The following ASH1L variants were observed in gnomAD, a reference collection of about 807,000 sequenced individuals.
The protein encoded by ASH1L is ASH1 like histone lysine methyltransferase, also known as histone-lysine N-methyltransferase ASH1L.
ASH1L carries 23 observed loss-of-function variants against 269.0 expected under a neutral mutation model. That is an observed-to-expected ratio of 0.09 (90% confidence interval 0.06 to 0.12). ASH1L has a LOEUF of 0.12. ASH1L is among the 10% of genes least tolerant of loss of function. The pLI is 1.00. For synonymous variants in ASH1L, 1,187 were observed against 1,253.5 expected, an observed-to-expected ratio of 0.95 and a Z score of 1.12; for missense variants, 2,912 against 3,567.8, an observed-to-expected ratio of 0.82 and a Z score of 4.68.
At chr1:155,528,121 T>C (rs1036791416) in intron 1 of ASH1L, among the ~76,000 whole-genome samples, 2 of 152,218 alleles carry the variant, frequency 1.3e-5, no homozygotes, top group African/African-American at 4.8e-5. Flanking sequence ...AAATGCTTAC[T>C]TGACATACTG....
intron 2 of ASH1L, among the ~76,000 whole-genome samples, chr1:155,484,268 C>G (rs1238576328): frequency 6.6e-6 from 1 of 152,020 alleles, no homozygotes; most frequent in Non-Finnish European, 1.5e-5. Flanking sequence ...GTGGGCAGAT[C>G]GCCTGAGGTC....
intron 12 of ASH1L, among the ~76,000 whole-genome samples, chr1:155,369,430 G>A (rs1358642862): frequency 6.6e-6 from 1 of 150,716 alleles, no homozygotes; most frequent in African/African-American, 2.4e-5. Context: ...CTGGGCAACA[G>A]AGCGAGACTC....
chr1:155,381,370 T>C lies in ASH1L; in HGVS notation c.6104-1254A>G, dbSNP rs1161492299. Among the ~76,000 whole-genome samples, 4 of 149,506 alleles carry C rather than the reference T, an allele frequency of 2.7e-5. No individual in the cohort carries two copies. In the South Asian group the frequency reaches 6.3e-4, roughly 23 times the overall value. The stretch of plus-strand genomic sequence containing the variant: ...GCATTAGAGACAAGGCTGGCCAACA[T>C]AGTGAAACCCTGTATTAAAAATACA... On this transcript the variant is annotated intron_variant, in intron 7 of 27. Transcript: ENST00000392403.
In ASH1L at chr1:155,482,433, T is replaced by C. The variant is rs546762132; in HGVS notation, c.437A>G (p.Tyr146Cys). Residue 146 changes from tyrosine (Y) to cysteine (C), a missense_variant, in exon 3 of 28, where the codon TAC (tyrosine) becomes TGC (cysteine). Tyr to Cys is a radical substitution (Grantham distance 194). Coordinates refer to ENST00000392403, the MANE Select transcript of ASH1L (RefSeq NM_018489.3). ...GGCTGCAACATCATCTGCTTTCTTG[T>C]ACAACTTTGAAGGGTCCTAAAATTT... ...CPSKRDPSKL[Y>C]KKADDVAAIE... 3 of 1,612,096 alleles carry C rather than the reference T, an allele frequency of 1.9e-6. No individual in the cohort carries two copies. Among genetic ancestry groups the C allele is most frequent in the African/African-American group, 1.3e-5 (1 of 74,930 alleles).
rs1003624545 is a variant in ASH1L at position 155,464,534 on chromosome 1, T to G, written c.4985-4636A>C. ...GCAAGCTGCAAAAAAAAAAAGTACC[T>G]AAATAAAATTGGATTTCAGAATAAA... On this transcript the variant is annotated intron_variant, in intron 3 of 27. Coordinates refer to ENST00000392403, the MANE Select transcript of ASH1L (RefSeq NM_018489.3). Among the ~76,000 whole-genome samples the G allele has an allele frequency of 2.0e-5, 3 of 151,748 alleles. No individual in the cohort carries two copies. In the South Asian group the frequency reaches 6.2e-4, roughly 32 times the overall value.
intron 1 of ASH1L, among the ~76,000 whole-genome samples, chr1:155,548,323 A>G (rs1670968706): frequency 6.6e-6 from 1 of 152,130 alleles, no homozygotes; most frequent in South Asian, 2.1e-4. Flanking sequence ...GGAGTTCAAT[A>G]CCAGCCTGAC....
At chr1:155,357,532 C>T (rs1654527022) in intron 14 of ASH1L, 53 bp downstream of exon 14, 2 of 1,609,294 alleles carry the variant, frequency 1.2e-6, no homozygotes, top group Non-Finnish European at 1.7e-6. Flanking sequence ...CAGCAATTGC[C>T]TCAAAGCATC....
At position 155,479,307 on chromosome 1, in the gene ASH1L, A is replaced by G; in HGVS notation, c.3563T>C (p.Ile1188Thr). 6.2e-7 allele frequency: 1 copy of G among 1,614,016 alleles called. No homozygotes were observed. Residue 1188 changes from isoleucine (I) to threonine (T), a missense_variant, in exon 3 of 28, where the codon ATC becomes ACC. This residue lies in a region of ASH1L where 157 missense variants were observed against 154.6 expected (regional missense o/e 1.02). Transcript: ENST00000392403. ...GGTCTCATCACTATGAGACTCACTG[A>G]TTGGGGAAGGAGTAGCTTCTTTTAG... ...TSLKEATPSP[I>T]SESHSDETIP...
rs1660769388 is a variant in ASH1L, at chr1:155,422,396, G to A, written c.5829-6473C>T. On this transcript the variant is annotated intron_variant, in intron 5 of 27. Transcript: ENST00000392403. The stretch of plus-strand genomic sequence containing the variant: ...TGATCTCGCCTCACTGCAACCTCCG[G>A]GCCACCAGGGTCTGCTAATTTTTGT... 4.7e-5 allele frequency among the ~76,000 whole-genome samples: 7 copies of A among 149,684 alleles called. No homozygotes were observed. The South Asian group carries it at 1.5e-3, about 32-fold the overall frequency.
chr1:155,418,412 G>C (rs1660388109), intron 5 of ASH1L, among the ~76,000 whole-genome samples: 1 of 152,072 alleles, frequency 6.6e-6, no homozygotes, highest in Non-Finnish European at 1.5e-5. Context: ...CTGGAGATCA[G>C]TGAACTTGAA....
rs536340438 is a variant in ASH1L at position 155,381,458 on chromosome 1, G to A, written c.6104-1342C>T. On this transcript the variant is annotated intron_variant, in intron 7 of 27. Coordinates refer to ENST00000392403, the MANE Select transcript of ASH1L (RefSeq NM_018489.3). ...CCAGCTACTCAGGAGGCTGAGGCAG[G>A]AGAATTGCTTGAACCTGGGAGGCAG... 2.6e-5 allele frequency among the ~76,000 whole-genome samples: 4 copies of A among 152,228 alleles called. No individual in the cohort carries two copies. In the East Asian group the frequency reaches 7.7e-4, roughly 29 times the overall value.
intron 2 of ASH1L, among the ~76,000 whole-genome samples, chr1:155,493,076 C>T (rs111706880): frequency 0.1 from 15,367 of 152,226 alleles, 1,105 homozygotes; most frequent in Middle Eastern, 0.2. Context: ...CTCAGCCTCC[C>T]AAAGTGTTGG....
At chr1:155,514,333 T>C (rs1234722010) in intron 2 of ASH1L, among the ~76,000 whole-genome samples, 1 of 152,206 alleles carries the variant, frequency 6.6e-6, no homozygotes, top group African/African-American at 2.4e-5. Context: ...CGGATATACA[T>C]ACATATACAC....
chr1:155,488,943 T>C (rs1215875564), intron 2 of ASH1L, among the ~76,000 whole-genome samples: 1 of 152,170 alleles, frequency 6.6e-6, no homozygotes, highest in Non-Finnish European at 1.5e-5. Flanking sequence ...CTTTCATGAA[T>C]AAAGACTTTA....
At chr1:155,417,543 G>A (rs1410725072) in intron 5 of ASH1L, among the ~76,000 whole-genome samples, 4 of 152,100 alleles carry the variant, frequency 2.6e-5, no homozygotes, top group African/African-American at 4.8e-5. Context: ...ACACATGATG[G>A]CAGATACTCA....
At position 155,478,289 on chromosome 1, in the gene ASH1L, T is replaced by C. The variant is rs1302196900; in HGVS notation, c.4581A>G (p.Arg1527=). The C allele has an allele frequency of 6.2e-7, 1 of 1,614,022 alleles. No individual in the cohort carries two copies. The highest frequency in any genetic ancestry group is 8.5e-7 in the Non-Finnish European group (1 of 1,180,042). ...YRFGKDAVGE[R]YKHKEKHRCH... ...AACGGTGCTTTTCCTTATGCTTATA[T>C]CGCTCTCCAACAGCATCCTTTCCAA... Residue 1527 remains arginine, a synonymous_variant, in exon 3 of 28, where the codon CGA becomes CGG. Coordinates refer to ENST00000392403, the MANE Select transcript of ASH1L (RefSeq NM_018489.3). The surrounding 1 kb of genome is among the most constrained non-coding windows in gnomAD (Gnocchi z 4.6).
intron 1 of ASH1L, among the ~76,000 whole-genome samples, chr1:155,536,586 CA>C (rs1338283333): frequency 4.6e-5 from 7 of 152,082 alleles, no homozygotes; most frequent in African/African-American, 1.7e-4. Context: ...CTATGTCTGT[CA>C]AAAGTAGAAC....
chr1:155,562,647 C>A lies in ASH1L; in HGVS notation c.-594G>T. The A allele has an allele frequency of 6.6e-7, 1 of 1,525,766 alleles. No homozygotes were observed. Among genetic ancestry groups the A allele is most frequent in the Non-Finnish European group, 8.8e-7 (1 of 1,140,306 alleles). 94.5% of individuals were successfully genotyped at this position (1,525,766 alleles called of 1,614,324 possible). A position where few individuals can be genotyped will look rare whatever the true frequency, so the allele number is the denominator to read the frequency against. On this transcript the variant is annotated 5_prime_UTR_variant, in exon 1 of 28. Coordinates refer to ENST00000392403, the MANE Select transcript of ASH1L (RefSeq NM_018489.3). ...ACGGGCTCGTCGCTGGCTGCTCCCA[C>A]CAACCACCACCTTCGGCCGCCCCGC... is the stretch of plus-strand genomic sequence containing the variant.
At chr1:155,467,502 T>C (rs142105555) in intron 3 of ASH1L, among the ~76,000 whole-genome samples, 1 of 152,344 alleles carries the variant, frequency 6.6e-6, no homozygotes, top group Non-Finnish European at 1.5e-5. Context: ...AAAGTGATTA[T>C]AGCTGTTATT....
Sources: allele counts gnomAD v4.1 joint callset (sites outside exome capture counted in the v4.1 genomes callset), GRCh38; gene constraint gnomAD v4.1.1; regional missense constraint gnomAD v4.1.1; non-coding constraint Gnocchi (gnomAD v3.1); transcripts MANE v1.5; gene names NCBI Gene and HGNC (gene_info 2026-07-23, HGNC 2026-07-21).